RAI14: variants seen among roughly 807,000 people sequenced by gnomAD.
RAI14 encodes the protein retinoic acid induced 14.
RAI14 carries 45 observed loss-of-function variants against 115.4 expected under a neutral mutation model. The observed-to-expected ratio is 0.39, with a 90% CI of 0.31 to 0.50. The LOEUF is 0.50. Among genes scored for constraint, RAI14 ranks in the 20% least tolerant of loss-of-function variants. The pLI is 0.85. For synonymous variants in RAI14, 371 were observed against 415.4 expected (o/e 0.89, Z 1.30); for missense variants, 939 against 1,131.2 (o/e 0.83, Z 2.44).
chr5:34,772,016 C>T (rs1750227154), intron 3 of RAI14, among the ~76,000 whole-genome samples: 1 of 152,128 alleles, frequency 6.6e-6, no homozygotes, highest in Non-Finnish European at 1.5e-5. Flanking sequence ...TTAAGTGATC[C>T]TCCCTCCTCA....
At chr5:34,687,597 T>A in intron 2 of RAI14, 1 of 1,515,220 alleles carries the variant, frequency 6.6e-7, no homozygotes, top group Non-Finnish European at 8.9e-7. Flanking sequence ...CACGATAATA[T>A]TTTTTTAAAA....
chr5:34,712,825 T>A (rs1741559361), intron 2 of RAI14, among the ~76,000 whole-genome samples: 1 of 152,052 alleles, frequency 6.6e-6, no homozygotes, highest in South Asian at 2.1e-4. Flanking sequence ...ATTGTGAGTA[T>A]CAAAGAAAAA....
At chr5:34,708,614 T>A (rs1446122738) in intron 2 of RAI14, among the ~76,000 whole-genome samples, 5 of 152,130 alleles carry the variant, frequency 3.3e-5, no homozygotes, top group East Asian at 1.9e-4. Flanking sequence ...CAAAAAAAAA[T>A]TTTTAGCTTA....
chr5:34,796,574 A>G (rs1332376895), intron 4 of RAI14, among the ~76,000 whole-genome samples: 1 of 152,016 alleles, frequency 6.6e-6, no homozygotes, highest in Non-Finnish European at 1.5e-5. Context: ...CTCATTTTTT[A>G]TATTATTTTC....
At chr5:34,692,515 T>C (rs115092479) in intron 2 of RAI14, among the ~76,000 whole-genome samples, 69,191 of 151,802 alleles carry the variant, frequency 0.46, 17,776 homozygotes, top group South Asian at 0.64. Flanking sequence ...GCCTGGGCGA[T>C]AGAGCGAGAC....
At chr5:34,768,253 A>G (rs1749683058) in intron 3 of RAI14, among the ~76,000 whole-genome samples, 1 of 151,998 alleles carries the variant, frequency 6.6e-6, no homozygotes, top group Non-Finnish European at 1.5e-5. Context: ...GTTCTCCATG[A>G]GCACCTAGCC....
rs553184334 is a variant in RAI14 at position 34,828,759 on chromosome 5, G to T, written c.2800-973G>T. Among the ~76,000 whole-genome samples the T allele has an allele frequency of 2.4e-4, 37 of 152,226 alleles. 1 individual carries two copies. The South Asian group carries it at 7.5e-3, about 31-fold the overall frequency. On this transcript the variant is annotated intron_variant, in intron 16 of 17. Coordinates refer to ENST00000265109, the MANE Select transcript of RAI14 (RefSeq NM_015577.3). ...AGGAACTGGAGTAATAGCTCAACAA[G>T]GAGAAATAGAAGCATCAGCGGCTGT... is the stretch of plus-strand genomic sequence containing the variant.
chr5:34,825,099 A>G (rs1757303326), intron 15 of RAI14, among the ~76,000 whole-genome samples: 1 of 152,010 alleles, frequency 6.6e-6, no homozygotes, highest in Non-Finnish European at 1.5e-5. Flanking sequence ...ATATAGTGAG[A>G]CCCCATCTGT....
intron 9 of RAI14, 106 bp downstream of exon 9, chr5:34,812,051 C>G: frequency 7.7e-7 from 1 of 1,296,692 alleles, no homozygotes; most frequent in East Asian, 2.4e-5. Flanking sequence ...TTCTTTTAAA[C>G]ATATTCTTGA....
chr5:34,687,493 G>C, intron 2 of RAI14: 1 of 1,250,160 alleles, frequency 8.0e-7, no homozygotes, highest in Non-Finnish European at 1.0e-6. Flanking sequence ...ATCCATAAAA[G>C]ACTCTGGATT....
chr5:34,808,556 T>C (rs1365797533), intron 6 of RAI14, 28 bp from the exon 7 acceptor site: 3 of 1,606,304 alleles, frequency 1.9e-6, no homozygotes, highest in Admixed American at 3.3e-5. Flanking sequence ...TGTGATTGGC[T>C]GTGGTATTTA....
intron 8 of RAI14, 128 bp from the exon 9 acceptor site, chr5:34,811,639 G>T: frequency 2.7e-6 from 2 of 749,884 alleles, no homozygotes; most frequent in Non-Finnish European, 2.0e-6. Context: ...CGAATTCCCT[G>T]AAGATTAAGT....
At chr5:34,692,838 G>T (rs1409680896) in intron 2 of RAI14, among the ~76,000 whole-genome samples, 1 of 152,146 alleles carries the variant, frequency 6.6e-6, no homozygotes, top group Non-Finnish European at 1.5e-5. Context: ...CACAAACCAG[G>T]TGGCTGAAAC....
At chr5:34,814,896 T>C (rs893513891) in intron 12 of RAI14, among the ~76,000 whole-genome samples, 7 of 152,024 alleles carry the variant, frequency 4.6e-5, no homozygotes, top group African/African-American at 1.7e-4. Flanking sequence ...TAAAAAATCA[T>C]TGAGTGAATA....
At position 34,811,745 on chromosome 5, in the gene RAI14, TTG is replaced by T; in HGVS notation, c.558-18_558-17del. On this transcript the variant is annotated intron_variant, in intron 8 of 17. Coordinates refer to ENST00000265109, the MANE Select transcript of RAI14 (RefSeq NM_015577.3). Reference sequence around the variant, plus strand: ...TTTTTACATTCTCTTAGTACTAATTTTGTGTCTCTTTTTTCCTTTAGAACTGC... The same window carrying T: ...TTTTTACATTCTCTTAGTACTAATTTTGTCTCTTTTTTCCTTTAGAACTGC... The T allele has an allele frequency of 1.3e-6, 2 of 1,588,542 alleles. No homozygotes were observed. The highest frequency in any genetic ancestry group is 1.7e-6 in the Non-Finnish European group (2 of 1,169,798).
chr5:34,670,894 C>T (rs1468094065), intron 1 of RAI14, among the ~76,000 whole-genome samples: 2 of 152,294 alleles, frequency 1.3e-5, no homozygotes, highest in East Asian at 3.9e-4. Context: ...CTTGGTTAAA[C>T]TGAAAATGGT....
chr5:34,665,605 G>C (rs1270990373), intron 1 of RAI14, among the ~76,000 whole-genome samples: 1 of 151,808 alleles, frequency 6.6e-6, no homozygotes, highest in African/African-American at 2.4e-5. Flanking sequence ...ATCTGATGGG[G>C]GTTTTGGACC....
At chr5:34,729,034 G>A (rs1449484096) in intron 2 of RAI14, among the ~76,000 whole-genome samples, 1 of 152,148 alleles carries the variant, frequency 6.6e-6, no homozygotes, top group African/African-American at 2.4e-5. Context: ...TGAGGGCATC[G>A]ATAAAATAAA....
chr5:34,822,103 T>C (rs1048469513), intron 14 of RAI14, among the ~76,000 whole-genome samples: 8 of 149,164 alleles, frequency 5.4e-5, no homozygotes, highest in Non-Finnish European at 1.0e-4. Flanking sequence ...ATATGTTTAA[T>C]AAATTATATA....
Sources: allele counts gnomAD v4.1 joint callset (sites outside exome capture counted in the v4.1 genomes callset), GRCh38; gene constraint gnomAD v4.1.1; transcripts MANE v1.5; gene names NCBI Gene and HGNC (gene_info 2026-07-23, HGNC 2026-07-21).